Variants in WDR46 observed in about 807,000 individuals in gnomAD.
WDR46 encodes WD repeat-containing protein 46.
In WDR46, 58 loss-of-function variants were observed where a neutral mutation model predicts 74.7. The observed-to-expected ratio is 0.78, with a 90% CI of 0.63 to 0.97. The LOEUF (loss-of-function observed/expected upper bound fraction) is 0.97, where lower values mean the gene tolerates loss of function less well. WDR46 is among the 50% of genes least tolerant of loss of function. The pLI is 0.00. For synonymous variants in WDR46, 278 were observed against 297.3 expected (o/e 0.93, Z 0.67); for missense variants, 702 against 790.1 (o/e 0.89, Z 1.34).
chr6:33,284,506 A>T (rs972387668), intron 10 of WDR46: 11 of 153,846 alleles, frequency 7.2e-5, no homozygotes, highest in African/African-American at 1.9e-4. Context: ...CACCCCTCAC[A>T]TCAGCCAGAC....
chr6:33,285,070 A>G (rs1397451124), intron 10 of WDR46, among the ~76,000 whole-genome samples: 1 of 152,242 alleles, frequency 6.6e-6, no homozygotes, highest in East Asian at 1.9e-4. Context: ...CAGCATGAAC[A>G]TGAATATCTA....
chr6:33,287,698 C>T lies in WDR46; in HGVS notation c.644G>A (p.Arg215His), dbSNP rs779110677. 1.5e-5 allele frequency: 24 copies of T among 1,613,778 alleles called. No homozygotes were observed. Among genetic ancestry groups the T allele is most frequent in the Non-Finnish European group, 1.9e-5 (22 of 1,179,994 alleles). The part of the protein sequence containing the change: ...RTGRHLAFGG[R>H]RGHVAALDWV... ...ATCAAGGGCAGCCACATGACCTCGGCGCCCTCCAAAAGCCAGGTGTCTGTT... is the reference window on the plus strand; with the variant it reads ...ATCAAGGGCAGCCACATGACCTCGGTGCCCTCCAAAAGCCAGGTGTCTGTT... Residue 215 changes from arginine to histidine, a missense_variant, in exon 7 of 15, where the codon CGC (arginine) becomes CAC (histidine). Physicochemically the swap from Arg to His is conservative, Grantham distance 29. Coordinates refer to ENST00000374617, the MANE Select transcript of WDR46 (RefSeq NM_005452.6).
chr6:33,288,572 T>A, intron 3 of WDR46, 42 bp downstream of exon 3: 1 of 1,608,948 alleles, frequency 6.2e-7, no homozygotes, highest in Admixed American at 1.7e-5. Context: ...ACCCAGACAC[T>A]CCCTGCCTCC....
At chr6:33,280,588 A>T (rs1384323746) in intron 11 of WDR46, 66 bp from the exon 12 acceptor site, 8 of 1,602,804 alleles carry the variant, frequency 5.0e-6, no homozygotes, top group Non-Finnish European at 6.8e-6. Context: ...CTCCAGCCCA[A>T]CTAAGCCCCC....
At position 33,289,159 on chromosome 6, in the gene WDR46, G is replaced by T; in HGVS notation, c.12C>A (p.Ala4=). 1 of 1,612,724 alleles carries T rather than the reference G, an allele frequency of 6.2e-7. No individual in the cohort carries two copies. The highest frequency in any genetic ancestry group is 8.5e-7 in the Non-Finnish European group (1 of 1,179,260). The change falls in exon 1 of 15, where the codon GCC becomes GCA. Residue 4 remains alanine, a synonymous_variant. Transcript: ENST00000374617. MET[A]PKPGKDVPPK... is the part of the protein sequence containing the mutation. ...GCGGGACATCCTTGCCCGGCTTGGG[G>T]GCTGTCTCCATCTCGCCCACCCGAA...
intron 5 of WDR46, 45 bp downstream of exon 5, chr6:33,288,103 G>A (rs757624031): frequency 1.2e-6 from 2 of 1,613,830 alleles, no homozygotes; most frequent in Non-Finnish European, 8.5e-7. Flanking sequence ...CTATTGTCCT[G>A]CACCACCAAT....
rs370202382 is a variant in WDR46, at chr6:33,279,599, C to T, written c.1632G>A (p.Pro544=). The T allele has an allele frequency of 9.9e-6, 16 of 1,613,994 alleles. No homozygotes were observed. The highest frequency in any genetic ancestry group is 2.2e-5 in the East Asian group (1 of 44,896). Residue 544 remains proline (P), a synonymous_variant, in exon 14 of 15, where the codon CCG becomes CCA. Coordinates refer to ENST00000374617, the MANE Select transcript of WDR46 (RefSeq NM_005452.6). ...KEQIERLGYD[P]QAKAPFQPKP... is the part of the protein sequence containing the mutation. The stretch of plus-strand genomic sequence containing the variant: ...TTGGCTGGAAGGGAGCCTTAGCCTG[C>T]GGGTCATAGCCCTGAGGGAGGGGAC...
At position 33,282,503 on chromosome 6, in the gene WDR46, T is replaced by C. The variant is rs140420217; in HGVS notation, c.1116-1516A>G. ...AGACCAGCCCAGTGCCAAATGGGAG[T>C]CTACTGTACTACTAGTAAGCAGCAG... On this transcript the variant is annotated intron_variant, in intron 10 of 14. Coordinates refer to ENST00000374617, the MANE Select transcript of WDR46 (RefSeq NM_005452.6). Among the ~76,000 whole-genome samples, 91 of 152,078 alleles carry C rather than the reference T, an allele frequency of 6.0e-4. 1 individual carries two copies. The highest frequency in any genetic ancestry group is 1.6e-3 in the Admixed American group (24 of 15,266).
rs1221749986 is a variant in WDR46, at chr6:33,289,129, C to T, written c.42G>A (p.Lys14=). Residue 14 remains lysine, a synonymous_variant, in exon 1 of 15, where the codon AAG becomes AAA. Coordinates refer to ENST00000374617, the MANE Select transcript of WDR46 (RefSeq NM_005452.6). ...TTCTCTTGGTCTGAAGTTTGTCTTT[C>T]TTGGGCGGGACATCCTTGCCCGGCT... The part of the protein sequence containing the change: ...APKPGKDVPP[K]KDKLQTKRKK... 1 of 1,612,956 alleles carries T rather than the reference C, an allele frequency of 6.2e-7. No homozygotes were observed. Among genetic ancestry groups the T allele is most frequent in the South Asian group, 1.1e-5 (1 of 91,014 alleles).
rs1766902514 is a variant in WDR46, at chr6:33,288,397, T to C, written c.434A>G (p.Lys145Arg). The C allele has an allele frequency of 5.0e-6, 8 of 1,614,192 alleles. No individual in the cohort carries two copies. Among genetic ancestry groups the C allele is most frequent in the African/African-American group, 1.3e-5 (1 of 75,050 alleles). The change falls in exon 4 of 15, where the codon AAA becomes AGA. Residue 145 changes from lysine to arginine, a missense_variant. Lys to Arg is a conservative substitution (Grantham distance 26, BLOSUM62 2). Coordinates refer to ENST00000374617, the MANE Select transcript of WDR46 (RefSeq NM_005452.6). ...AEAEEEETSIKAARSELLLAE... is the reference protein window; with the variant it reads ...AEAEEEETSIRAARSELLLAE... Reference sequence around the variant, plus strand: ...AAGCAGCAGCTCAGAACGAGCAGCTTTGATACTTGTTTCCTCTTCCTCAGC... The same window carrying C: ...AAGCAGCAGCTCAGAACGAGCAGCTCTGATACTTGTTTCCTCTTCCTCAGC...
At chr6:33,287,531 T>C (rs374502854) in intron 7 of WDR46, 26 bp from the exon 8 acceptor site, 47 of 1,613,228 alleles carry the variant, frequency 2.9e-5, no homozygotes, top group South Asian at 5.5e-5. Flanking sequence ...AGTGGTTCAA[T>C]TGGGAAATGA....
At chr6:33,284,210 A>T (rs1766425810) in intron 10 of WDR46, 1 of 152,764 alleles carries the variant, frequency 6.5e-6, no homozygotes, top group African/African-American at 2.4e-5. Context: ...AGATTGTGCC[A>T]CTGCACTCCA....
At chr6:33,279,900 C>G in intron 12 of WDR46, 41 bp from the exon 13 acceptor site, 1 of 1,603,428 alleles carries the variant, frequency 6.2e-7, no homozygotes. Context: ...CAAGGAGCCA[C>G]AGGAGGGTAG....
rs1341473496 is a variant in WDR46, at chr6:33,288,665, G to A, written c.309C>T (p.Pro103=). The change falls in exon 3 of 15, where the codon CCC becomes CCT. Residue 103 remains proline, a synonymous_variant. Coordinates refer to ENST00000374617, the MANE Select transcript of WDR46 (RefSeq NM_005452.6). The part of the protein sequence containing the change: ...GTQDPFPGPA[P]VPVEVVQKFC... Reference sequence around the variant, plus strand: ...ACTTCTGGACCACTTCCACAGGGACGGGGGCGGGGCCTGGGAATGGATCTT... The same window carrying A: ...ACTTCTGGACCACTTCCACAGGGACAGGGGCGGGGCCTGGGAATGGATCTT... 2 of 1,612,958 alleles carry A rather than the reference G, an allele frequency of 1.2e-6. No homozygotes were observed. The highest frequency in any genetic ancestry group is 2.2e-5 in the South Asian group (2 of 90,978).
chr6:33,287,427 G>T lies in WDR46; in HGVS notation c.807C>A (p.Leu269=). The T allele has an allele frequency of 6.2e-7, 1 of 1,612,298 alleles. No homozygotes were observed. The highest frequency in any genetic ancestry group is 1.3e-5 in the African/African-American group (1 of 74,440). Residue 269 remains leucine (L), a synonymous_variant, in exon 8 of 15, where the codon CTC becomes CTA. Transcript: ENST00000374617. ...LHIYDNQGIE[L]HCIRRCDRVT... ...CTCGGTCACAGCGGCGGATACAGTG[G>T]AGCTCAATGCCCTGATTGTCATAGA...
At chr6:33,286,638 T>TA (rs1253416748) in intron 10 of WDR46, among the ~76,000 whole-genome samples, 157 bp downstream of exon 10, 1 of 152,184 alleles carries the variant, frequency 6.6e-6, no homozygotes, top group Non-Finnish European at 1.5e-5. Context: ...ACACAGAGGT[T>TA]ATGAAATATG....
intron 10 of WDR46, among the ~76,000 whole-genome samples, chr6:33,285,668 C>T (rs772873823): frequency 6.6e-6 from 1 of 151,914 alleles, no homozygotes; most frequent in African/African-American, 2.4e-5. Flanking sequence ...GAATTACAGG[C>T]CCCCGCCACG....
In WDR46 at chr6:33,288,388, C is replaced by T. The variant is rs747713401; in HGVS notation, c.443G>A (p.Arg148His). The change falls in exon 4 of 15, where the codon CGT (arginine) becomes CAT (histidine). Residue 148 changes from arginine to histidine, a missense_variant. Physicochemically the swap from Arg to His is conservative, Grantham distance 29. Coordinates refer to ENST00000374617, the MANE Select transcript of WDR46 (RefSeq NM_005452.6). ...EEEETSIKAA[R>H]SELLLAEEPG... ...TTCTTCAGCAAGCAGCAGCTCAGAA[C>T]GAGCAGCTTTGATACTTGTTTCCTC... is the stretch of plus-strand genomic sequence containing the variant. 10 of 1,614,064 alleles carry T rather than the reference C, an allele frequency of 6.2e-6. No individual in the cohort carries two copies. The highest frequency in any genetic ancestry group is 1.7e-5 in the Admixed American group (1 of 59,992).
At chr6:33,286,709 T>C (rs187093239) in intron 10 of WDR46, 86 bp downstream of exon 10, 1 of 1,323,108 alleles carries the variant, frequency 7.6e-7, no homozygotes, top group East Asian at 2.3e-5. Context: ...ATCCTGGCTT[T>C]AGACTCTGTG....
Sources: gnomAD v4.1 joint callset for allele counts (sites outside exome capture counted in the v4.1 genomes callset) on GRCh38, gnomAD v4.1.1 for gene constraint, MANE v1.5 for transcripts, NCBI Gene and HGNC (gene_info 2026-07-23, HGNC 2026-07-21) for gene names.